The following ANKS1B variants were observed in gnomAD, a reference collection of about 807,000 sequenced individuals.
The protein encoded by ANKS1B is ankyrin repeat and sterile alpha motif domain-containing protein 1B.
In ANKS1B, 36 loss-of-function variants were observed where a neutral mutation model predicts 148.3. The ratio of observed to expected loss-of-function variants is 0.24; its 90% confidence interval spans 0.19 to 0.32. The LOEUF (loss-of-function observed/expected upper bound fraction) is 0.32. Ranked by LOEUF, ANKS1B falls within the 10% of genes least tolerant of loss-of-function variation. ANKS1B has a pLI of 1.00. For missense variants in ANKS1B, 1,157 were observed against 1,542.6 expected (o/e 0.75, Z 4.19); for synonymous variants, 542 against 560.8 (o/e 0.97, Z 0.47).
chr12:99,070,998 G>A (rs2046100232), intron 16 of ANKS1B, among the ~76,000 whole-genome samples: 1 of 152,154 alleles, frequency 6.6e-6, no homozygotes, highest in South Asian at 2.1e-4. Flanking sequence ...CATAGGAATG[G>A]CTTTTTGATT....
At chr12:99,585,868 A>C (rs2097632022) in intron 9 of ANKS1B, among the ~76,000 whole-genome samples, 1 of 152,148 alleles carries the variant, frequency 6.6e-6, no homozygotes, top group African/African-American at 2.4e-5. Context: ...CAGAGCAGGG[A>C]GGCCCTGGGC....
chr12:99,574,855 T>G (rs970912120), intron 9 of ANKS1B, among the ~76,000 whole-genome samples: 1 of 151,964 alleles, frequency 6.6e-6, no homozygotes, highest in African/African-American at 2.4e-5. Context: ...CTCCTAAGAT[T>G]GAGAAAAAGC....
chr12:99,860,668 T>A (rs1215855477), intron 1 of ANKS1B, among the ~76,000 whole-genome samples: 1 of 152,152 alleles, frequency 6.6e-6, no homozygotes, highest in Admixed American at 6.5e-5. Context: ...GACCCACACA[T>A]ACCCAACACA....
intron 1 of ANKS1B, among the ~76,000 whole-genome samples, chr12:99,970,542 A>AC (rs11375335): frequency 6.8e-5 from 10 of 147,394 alleles, no homozygotes; most frequent in East Asian, 4.0e-4. Context: ...AAAAAAAAAA[A>AC]CACATTGGAT....
At chr12:99,190,998 GAA>G (rs201362586) in intron 14 of ANKS1B, among the ~76,000 whole-genome samples, 2 of 138,590 alleles carry the variant, frequency 1.4e-5, no homozygotes, top group African/African-American at 2.6e-5. Context: ...AAATTTTCAA[GAA>G]AAAAAAAAAC....
intron 26 of ANKS1B, among the ~76,000 whole-genome samples, chr12:98,750,509 A>G (rs2098052988): frequency 1.3e-5 from 2 of 152,110 alleles, no homozygotes; most frequent in Non-Finnish European, 2.9e-5. Flanking sequence ...GCTGTTCCCC[A>G]TGACAGTGGA....
chr12:99,539,707 C>T (rs1401514730), intron 9 of ANKS1B, among the ~76,000 whole-genome samples: 2 of 152,062 alleles, frequency 1.3e-5, no homozygotes, highest in African/African-American at 4.8e-5. Flanking sequence ...GCAGAATGGA[C>T]TCTTCTGTTT....
intron 1 of ANKS1B, among the ~76,000 whole-genome samples, chr12:99,950,146 A>C (rs2153822223): frequency 8.0e-6 from 1 of 124,522 alleles, no homozygotes; most frequent in South Asian, 2.4e-4. Flanking sequence ...TTTTTAGCAG[A>C]GACGAGCTCT....
chr12:99,203,701 T>C (rs2082327696), intron 14 of ANKS1B, among the ~76,000 whole-genome samples: 1 of 152,218 alleles, frequency 6.6e-6, no homozygotes, highest in Non-Finnish European at 1.5e-5. Flanking sequence ...TCCACCCGCC[T>C]CAGCCTCCCA....
chr12:98,909,255 G>A (rs1462670778), intron 17 of ANKS1B, among the ~76,000 whole-genome samples: 1 of 152,168 alleles, frequency 6.6e-6, no homozygotes, highest in Non-Finnish European at 1.5e-5. Flanking sequence ...TCCGCACAGA[G>A]TGAACACTCA....
chr12:98,844,241 C>T (rs985333881), intron 17 of ANKS1B, among the ~76,000 whole-genome samples: 2 of 152,196 alleles, frequency 1.3e-5, no homozygotes, highest in Admixed American at 6.5e-5. Flanking sequence ...AGCTAAGAAA[C>T]AGTATTCGCC....
At chr12:99,349,058 T>C (rs144434414) in intron 12 of ANKS1B, among the ~76,000 whole-genome samples, 1 of 152,048 alleles carries the variant, frequency 6.6e-6, no homozygotes, top group Non-Finnish European at 1.5e-5. Context: ...GAGAGACCTA[T>C]ATTAAAGCAG....
At chr12:99,836,488 A>C (rs1235008110) in intron 1 of ANKS1B, among the ~76,000 whole-genome samples, 1 of 152,142 alleles carries the variant, frequency 6.6e-6, no homozygotes, top group African/African-American at 2.4e-5. Flanking sequence ...TTCTCAATAC[A>C]TGTATTTTTA....
intron 14 of ANKS1B, among the ~76,000 whole-genome samples, chr12:99,231,034 T>C (rs1373776554): frequency 6.6e-6 from 1 of 152,168 alleles, no homozygotes; most frequent in Non-Finnish European, 1.5e-5. Flanking sequence ...TCAGAGAAGC[T>C]TTTATGTGAA....
chr12:98,759,935 G>A (rs1032922301), intron 25 of ANKS1B, among the ~76,000 whole-genome samples: 2 of 152,006 alleles, frequency 1.3e-5, no homozygotes, highest in Non-Finnish European at 2.9e-5. Flanking sequence ...AGCCGAGGTC[G>A]CACCACTGCA....
chr12:99,297,591 T>C (rs1414085062), intron 12 of ANKS1B, among the ~76,000 whole-genome samples: 1 of 152,154 alleles, frequency 6.6e-6, no homozygotes, highest in African/African-American at 2.4e-5. Flanking sequence ...ACAATTTCAA[T>C]TGCTTGAAGG....
At chr12:98,971,015 G>C (rs180691073) in intron 17 of ANKS1B, among the ~76,000 whole-genome samples, 1 of 152,240 alleles carries the variant, frequency 6.6e-6, no homozygotes, top group African/African-American at 2.4e-5. Flanking sequence ...GATAATGAAA[G>C]TTTCTATGCT....
rs577762024 is a variant in ANKS1B at position 99,802,414 on chromosome 12, C to A, written c.669+3990G>T. Among the ~76,000 whole-genome samples the A allele has an allele frequency of 1.8e-4, 27 of 152,134 alleles. 1 individual carries two copies. The East Asian group carries it at 3.7e-3, about 21-fold the overall frequency. On this transcript the variant is annotated intron_variant, in intron 4 of 26. Transcript: ENST00000683438. ...TCAAGAGAAAACTGCCCATTCAACCCTACTTTCTTAATATCTTACTTTGAC... is the reference window on the plus strand; with the variant it reads ...TCAAGAGAAAACTGCCCATTCAACCATACTTTCTTAATATCTTACTTTGAC...
At chr12:99,759,163 C>T (rs181192402) in intron 8 of ANKS1B, among the ~76,000 whole-genome samples, 16 of 151,964 alleles carry the variant, frequency 1.1e-4, no homozygotes, top group African/African-American at 3.6e-4. Context: ...CACAGACTGG[C>T]AGCTATCACC....
Sources: gnomAD v4.1 joint callset for allele counts (sites outside exome capture counted in the v4.1 genomes callset) on GRCh38, gnomAD v4.1.1 for gene constraint, MANE v1.5 for transcripts, NCBI Gene and HGNC (gene_info 2026-07-23, HGNC 2026-07-21) for gene names.